The following ABL1 variants were observed in gnomAD, a reference collection of about 807,000 sequenced individuals.
ABL1 encodes the protein ABL proto-oncogene 1, non-receptor tyrosine kinase.
In ABL1, 11 loss-of-function variants were observed where a neutral mutation model predicts 94.7. The observed-to-expected ratio is 0.12, with a 90% CI of 0.07 to 0.19. The LOEUF (loss-of-function observed/expected upper bound fraction) is 0.19, where lower values mean the gene tolerates loss of function less well. Ranked by LOEUF, ABL1 falls within the 10% of genes least tolerant of loss-of-function variation. The pLI is 1.00. For missense variants in ABL1, 1,082 were observed against 1,489.4 expected (o/e 0.73, Z 4.50); for synonymous variants, 656 against 622.4 (o/e 1.05, Z -0.80).
At position 130,854,120 on chromosome 9, in the gene ABL1, G is replaced by A. The variant is rs1318764515; in HGVS notation, c.136G>A (p.Ala46Thr). 9 of 1,613,928 alleles carry A rather than the reference G, an allele frequency of 5.6e-6. No individual in the cohort carries two copies. The highest frequency in any genetic ancestry group is 5.9e-6 in the Non-Finnish European group (7 of 1,180,022). Residue 46 changes from alanine to threonine, a missense_variant, in exon 2 of 11, where the codon GCT becomes ACT. Around this residue, in one of 7 missense-constraint regions of ABL1, gnomAD observed 65 missense variants for 80.8 expected, o/e 0.80. Transcript: ENST00000318560. ...DFEPQGLSEA[A>T]RWNSKENLLA... ...TGAGCCTCAGGGTCTGAGTGAAGCCGCTCGTTGGAACTCCAAGGAAAACCT... is the reference window on the plus strand; with the variant it reads ...TGAGCCTCAGGGTCTGAGTGAAGCCACTCGTTGGAACTCCAAGGAAAACCT...
At chr9:130,750,190 T>TAC (rs1831938229) in intron 1 of ABL1, among the ~76,000 whole-genome samples, 1 of 51,132 alleles carries the variant, frequency 2.0e-5, no homozygotes, top group Non-Finnish European at 3.5e-5. Flanking sequence ...AAAAAAAAAA[T>TAC]ACATATATAT....
rs528750993 is a variant in ABL1 at position 130,784,916 on chromosome 9, G to T, written c.137-69148G>T. On this transcript the variant is annotated intron_variant, in intron 1 of 10. Transcript: ENST00000372348. The stretch of plus-strand genomic sequence containing the variant: ...CCATCCGTGTTGGGATGAGTGGAAG[G>T]TTGCATCTGCGAGGTGGTCTTCTCC... Among the ~76,000 whole-genome samples, 130 of 152,334 alleles carry T rather than the reference G, an allele frequency of 8.5e-4. 1 individual carries two copies. The highest frequency in any genetic ancestry group is 5.4e-3 in the Admixed American group (83 of 15,308).
intron 1 of ABL1, among the ~76,000 whole-genome samples, chr9:130,737,487 T>G (rs1485259357): frequency 6.6e-6 from 1 of 152,070 alleles, no homozygotes; most frequent in Non-Finnish European, 1.5e-5. Flanking sequence ...CAGGCTGGTC[T>G]CGAACTCCTG....
intron 1 of ABL1, among the ~76,000 whole-genome samples, chr9:130,836,331 TGTA>T (rs1830583435): frequency 1.3e-5 from 2 of 152,332 alleles, no homozygotes; most frequent in Non-Finnish European, 1.5e-5. Context: ...TCTTTCCTGT[TGTA>T]GTCTTTAGTT....
chr9:130,835,393 C>G lies in ABL1; in HGVS notation c.-54C>G, dbSNP rs775985469. On this transcript the variant is annotated 5_prime_UTR_variant, in exon 1 of 11. Coordinates refer to ENST00000318560, the MANE Select transcript of ABL1 (RefSeq NM_005157.6). The surrounding 1 kb of genome is among the most constrained non-coding windows in gnomAD (Gnocchi z 4.6). ...GGGCCGAGCCGGGCCTGAGCCGGGC[C>G]CGCGGACCGAGCTGGGAGAGGGGTT... 7.4e-7 allele frequency: 1 copy of G among 1,345,506 alleles called. No homozygotes were observed. The highest frequency in any genetic ancestry group is 1.3e-5 in the South Asian group (1 of 78,856). 83.3% of individuals were successfully genotyped at this position (1,345,506 alleles called of 1,614,324 possible).
At chr9:130,716,046 A>ATAT (rs1012203726) in intron 1 of ABL1, among the ~76,000 whole-genome samples, 1 of 141,560 alleles carries the variant, frequency 7.1e-6, no homozygotes, top group Non-Finnish European at 1.5e-5. Flanking sequence ...ACACACATAT[A>ATAT]TATCCACTTT....
chr9:130,726,460 T>C (rs1016830532), intron 1 of ABL1, among the ~76,000 whole-genome samples: 13 of 152,336 alleles, frequency 8.5e-5, no homozygotes, highest in African/African-American at 2.9e-4. Context: ...ATATGCTTTT[T>C]CCATTCCTCA....
intron 3 of ABL1, among the ~76,000 whole-genome samples, chr9:130,858,304 A>C (rs769788600): frequency 6.6e-6 from 1 of 152,096 alleles, no homozygotes; most frequent in Non-Finnish European, 1.5e-5. Flanking sequence ...AAGAGGGAGA[A>C]TCTGCCTAAG....
At chr9:130,878,743 G>A (rs1831396176) in intron 8 of ABL1, among the ~76,000 whole-genome samples, 176 bp downstream of exon 8, 1 of 152,182 alleles carries the variant, frequency 6.6e-6, no homozygotes, top group Non-Finnish European at 1.5e-5. Flanking sequence ...CAGATAAATA[G>A]TATGTGCGTG....
chr9:130,762,943 T>C (rs1832135562), intron 1 of ABL1, among the ~76,000 whole-genome samples: 1 of 149,932 alleles, frequency 6.7e-6, no homozygotes, highest in South Asian at 2.1e-4. Flanking sequence ...GAAACCTGAA[T>C]AGTCTTTCAG....
rs756725540 is a variant in ABL1 at position 130,872,814 on chromosome 9, T to C, written c.908-46T>C. The C allele has an allele frequency of 8.3e-6, 13 of 1,571,590 alleles. No homozygotes were observed. The highest frequency in any genetic ancestry group is 2.7e-5 in the African/African-American group (2 of 73,760). On this transcript the variant is annotated intron_variant, in intron 5 of 10. Transcript: ENST00000318560. This position sits in a 1 kb window ranked among gnomAD's most constrained non-coding sequence, Gnocchi z 5.0. ...TTTCTTTAGACAGTTGTTTGTTCAG[T>C]TGGGAGCGGAGCCACGTGTTGAAGT...
At chr9:130,728,731 A>G (rs1831624329) in intron 1 of ABL1, among the ~76,000 whole-genome samples, 1 of 150,154 alleles carries the variant, frequency 6.7e-6, no homozygotes, top group Non-Finnish European at 1.5e-5. Flanking sequence ...GCTGAGATTC[A>G]CCATGTTTTC....
chr9:130,771,732 T>TTTTCTTTCTTTC lies in ABL1; in HGVS notation c.136+57289_136+57300dup, dbSNP rs373455783. Among the ~76,000 whole-genome samples, 202 of 119,726 alleles carry TTTTCTTTCTTTC rather than the reference T, an allele frequency of 1.7e-3. 3 individuals are homozygous for TTTTCTTTCTTTC. Among genetic ancestry groups the TTTTCTTTCTTTC allele is most frequent in the African/African-American group, 3.6e-3 (107 of 29,782 alleles). The allele number at this position is 119,726 out of a possible 152,430, so 78.5% of individuals were successfully genotyped here. On this transcript the variant is annotated intron_variant, in intron 1 of 10. Coordinates refer to the ABL1 transcript ENST00000372348. ...GTATAGTTTCCTTGGTCAAATGACT[T>TTTTCTTTCTTTC]TTTCTTTCTTTCTTTCTTTCTTTTT...
At chr9:130,798,799 T>C (rs374301868) in intron 1 of ABL1, among the ~76,000 whole-genome samples, 15 of 151,922 alleles carry the variant, frequency 9.9e-5, no homozygotes, top group East Asian at 5.8e-4. Flanking sequence ...AAACCCTGTC[T>C]CTACTAAAAA....
intron 1 of ABL1, among the ~76,000 whole-genome samples, chr9:130,774,543 G>T (rs991922256): frequency 6.6e-6 from 1 of 152,088 alleles, no homozygotes; most frequent in Non-Finnish European, 1.5e-5. Flanking sequence ...AAAGAAACTT[G>T]CCAGGCACGG....
At chr9:130,804,647 C>T (rs1164464767) in intron 1 of ABL1, among the ~76,000 whole-genome samples, 1 of 152,130 alleles carries the variant, frequency 6.6e-6, no homozygotes, top group South Asian at 2.1e-4. Context: ...CAATTTCTTT[C>T]AATTAAACAG....
intron 1 of ABL1, among the ~76,000 whole-genome samples, chr9:130,720,575 T>G (rs565659730): frequency 4.6e-5 from 7 of 152,230 alleles, no homozygotes; most frequent in Non-Finnish European, 8.8e-5. Flanking sequence ...GTGGCCTTAT[T>G]GGCCCATTTC....
At chr9:130,743,914 T>A (rs1395730946) in intron 1 of ABL1, among the ~76,000 whole-genome samples, 1 of 152,094 alleles carries the variant, frequency 6.6e-6, no homozygotes, top group African/African-American at 2.4e-5. Context: ...AGGCATGGTG[T>A]TAGGCAGATG....
At chr9:130,759,007 C>T (rs529018720) in intron 1 of ABL1, among the ~76,000 whole-genome samples, 12 of 152,250 alleles carry the variant, frequency 7.9e-5, no homozygotes, top group African/African-American at 2.6e-4. Context: ...GAACCTCTTT[C>T]GGTCCGAACA....
Sources: allele counts gnomAD v4.1 joint callset (sites outside exome capture counted in the v4.1 genomes callset), GRCh38; gene constraint gnomAD v4.1.1; regional missense constraint gnomAD v4.1.1; non-coding constraint Gnocchi (gnomAD v3.1); transcripts MANE v1.5; gene names NCBI Gene and HGNC (gene_info 2026-07-23, HGNC 2026-07-21).